Variants in CPQ observed in about 807,000 individuals in gnomAD.
CPQ encodes Ser-Met dipeptidase.
In CPQ, 37 loss-of-function variants were observed where a neutral mutation model predicts 45.7. The observed-to-expected ratio is 0.81, with a 90% CI of 0.62 to 1.07. The LOEUF is 1.07. Among genes scored for constraint, CPQ ranks in the 50% least tolerant of loss-of-function variants. CPQ has a pLI of 0.00. For synonymous variants in CPQ, 186 were observed against 205.8 expected (o/e 0.90, Z 0.82); for missense variants, 537 against 572.9 (o/e 0.94, Z 0.64).
At chr8:96,980,701 T>A (rs773204606) in intron 5 of CPQ, among the ~76,000 whole-genome samples, 5 of 152,162 alleles carry the variant, frequency 3.3e-5, no homozygotes, top group Admixed American at 6.5e-5. Flanking sequence ...AGGGGAATCC[T>A]CACAGTGAGG....
At chr8:96,803,551 G>A (rs1265590229) in intron 2 of CPQ, among the ~76,000 whole-genome samples, 4 of 152,184 alleles carry the variant, frequency 2.6e-5, no homozygotes, top group Admixed American at 2.0e-4. Flanking sequence ...GAAGAGGGTT[G>A]TGGAGGTAAG....
At chr8:97,038,451 C>G (rs1265442963) in intron 6 of CPQ, among the ~76,000 whole-genome samples, 1 of 152,112 alleles carries the variant, frequency 6.6e-6, no homozygotes. Context: ...GCATGAACTT[C>G]CTGAGGAAAT....
chr8:96,979,319 T>G (rs527290960), intron 5 of CPQ, among the ~76,000 whole-genome samples: 2 of 152,172 alleles, frequency 1.3e-5, no homozygotes, highest in Admixed American at 6.5e-5. Context: ...TAAAGTACTA[T>G]GATAAATAGA....
At chr8:96,661,934 A>G (rs1025836193) in intron 1 of CPQ, among the ~76,000 whole-genome samples, 1 of 152,222 alleles carries the variant, frequency 6.6e-6, no homozygotes, top group Non-Finnish European at 1.5e-5. Flanking sequence ...GTTGCTCCAC[A>G]TCCTCACCAG....
At chr8:97,047,209 A>C (rs1810273794) in intron 6 of CPQ, among the ~76,000 whole-genome samples, 1 of 152,228 alleles carries the variant, frequency 6.6e-6, no homozygotes, top group South Asian at 2.1e-4. Context: ...TATTTCACAC[A>C]TGAAGAAACA....
chr8:96,923,546 CTCT>C (rs1278397120), intron 4 of CPQ, among the ~76,000 whole-genome samples: 2 of 152,160 alleles, frequency 1.3e-5, no homozygotes, highest in African/African-American at 4.8e-5. Context: ...CAGTAACACA[CTCT>C]TCTTTGTCCA....
intron 7 of CPQ, among the ~76,000 whole-genome samples, chr8:97,070,087 G>T (rs1810714082): frequency 6.6e-6 from 1 of 152,078 alleles, no homozygotes; most frequent in Non-Finnish European, 1.5e-5. Flanking sequence ...AAAGTATCTT[G>T]GATGTACTTT....
chr8:96,844,360 C>T (rs537162578), intron 3 of CPQ, among the ~76,000 whole-genome samples: 1 of 152,292 alleles, frequency 6.6e-6, no homozygotes, highest in South Asian at 2.1e-4. Flanking sequence ...ACCCATTGGC[C>T]TCTTTAGGTG....
chr8:96,735,707 C>T (rs1363404933), intron 1 of CPQ, among the ~76,000 whole-genome samples: 1 of 152,124 alleles, frequency 6.6e-6, no homozygotes, highest in Non-Finnish European at 1.5e-5. Context: ...TGGCCACTTC[C>T]ATAGACCCAT....
At chr8:96,736,150 G>A (rs1032704908) in intron 1 of CPQ, among the ~76,000 whole-genome samples, 3 of 152,218 alleles carry the variant, frequency 2.0e-5, no homozygotes, top group Non-Finnish European at 2.9e-5. Flanking sequence ...AATCCTGGAA[G>A]TATCATTTCC....
intron 1 of CPQ, among the ~76,000 whole-genome samples, chr8:96,739,831 T>G (rs1810055515): frequency 1.3e-5 from 2 of 151,118 alleles, no homozygotes; most frequent in Admixed American, 1.3e-4. Context: ...ATCTCTGTTT[T>G]GGTACCAGTA....
Position 97,002,084 on chromosome 8 carries a change from T to C in CPQ, c.962-27319T>C, listed in dbSNP as rs150298500. On this transcript the variant is annotated intron_variant, in intron 5 of 7. Transcript: ENST00000220763. ...GTTCATAATATTCTCTGATGGTTGT[T>C]TGTATTTCTGTGGAGTCAGGGGTAA... 2.2e-3 allele frequency among the ~76,000 whole-genome samples: 333 copies of C among 152,250 alleles called. 2 individuals are homozygous for C. The highest frequency in any genetic ancestry group is 7.8e-3 in the African/African-American group (322 of 41,544).
chr8:96,948,069 T>G (rs1813214109), intron 4 of CPQ, among the ~76,000 whole-genome samples: 1 of 151,954 alleles, frequency 6.6e-6, no homozygotes, highest in Non-Finnish European at 1.5e-5. Flanking sequence ...AGTCTCCCCT[T>G]TTTAAATACT....
At chr8:96,832,097 A>G (rs1022697526) in intron 2 of CPQ, among the ~76,000 whole-genome samples, 3 of 152,100 alleles carry the variant, frequency 2.0e-5, no homozygotes, top group Admixed American at 6.5e-5. Context: ...TTCAGACCTT[A>G]TTTCCTCTTT....
chr8:96,705,588 G>A (rs574693339), intron 1 of CPQ, among the ~76,000 whole-genome samples: 2 of 152,232 alleles, frequency 1.3e-5, no homozygotes, highest in East Asian at 3.9e-4. Context: ...CCTACCCCTA[G>A]ACCTGTGGCT....
intron 7 of CPQ, among the ~76,000 whole-genome samples, chr8:97,089,216 C>T (rs1278334452): frequency 2.2e-5 from 3 of 138,340 alleles, no homozygotes; most frequent in Non-Finnish European, 4.5e-5. Flanking sequence ...ACACTCCAGC[C>T]TGGGCAACAA....
intron 4 of CPQ, among the ~76,000 whole-genome samples, chr8:96,945,198 C>T (rs1367355405): frequency 6.6e-6 from 1 of 152,156 alleles, no homozygotes; most frequent in Non-Finnish European, 1.5e-5. Flanking sequence ...TCCTGGAGAT[C>T]ATGGTTGCTG....
rs183252418 is a variant in CPQ, at chr8:96,994,762, G to A, written c.961+28716G>A. ...TGTTGACCTAGAGTAATTTTTGATA[G>A]TACCCCGTTTCAATCTCAACATGTT... On this transcript the variant is annotated intron_variant, in intron 5 of 7. Transcript: ENST00000220763. Among the ~76,000 whole-genome samples the A allele has an allele frequency of 1.5e-4, 23 of 152,134 alleles. No homozygotes were observed. The East Asian group carries it at 2.3e-3, about 15-fold the overall frequency.
chr8:97,118,059 T>C (rs1477353674), intron 7 of CPQ, among the ~76,000 whole-genome samples: 2 of 152,160 alleles, frequency 1.3e-5, no homozygotes, highest in Admixed American at 1.3e-4. Flanking sequence ...AATAAGAGTT[T>C]TACAAGCCAG....
Sources: allele counts gnomAD v4.1 joint callset (sites outside exome capture counted in the v4.1 genomes callset), GRCh38; gene constraint gnomAD v4.1.1; transcripts MANE v1.5; gene names NCBI Gene and HGNC (gene_info 2026-07-23, HGNC 2026-07-21).